PCCA: variants seen among roughly 807,000 people sequenced by gnomAD.
The protein encoded by PCCA is propionyl-CoA carboxylase alpha chain, mitochondrial.
PCCA carries 74 observed loss-of-function variants against 101.3 expected under a neutral mutation model. The observed-to-expected ratio is 0.73, with a 90% CI of 0.61 to 0.89. The LOEUF (loss-of-function observed/expected upper bound fraction) is 0.89. PCCA is among the 40% of genes least tolerant of loss of function. PCCA has a pLI of 0.00. For missense variants in PCCA, 891 were observed against 907.0 expected, an observed-to-expected ratio of 0.98 and a Z score of 0.23; for synonymous variants, 294 against 313.6, an observed-to-expected ratio of 0.94 and a Z score of 0.66.
At chr13:100,145,682 T>C (rs9557395) in intron 4 of PCCA, among the ~76,000 whole-genome samples, 1 of 151,742 alleles carries the variant, frequency 6.6e-6, no homozygotes, top group Non-Finnish European at 1.5e-5. Context: ...GCTAAGATGG[T>C]GAAACCCATC....
intron 6 of PCCA, among the ~76,000 whole-genome samples, chr13:100,188,294 A>AAAAACAAAACAAAACAAAAC (rs60307671): frequency 0.033 from 4,847 of 146,948 alleles, 103 homozygotes; most frequent in Non-Finnish European, 0.044. Context: ...TCTGTCTCAA[A>AAAAACAAAACAAAACAAAAC]AAAACAAAAC....
rs143153776 is a variant in PCCA, at chr13:100,280,446, C to G, written c.1065+7100C>G. 2.0e-5 allele frequency among the ~76,000 whole-genome samples: 3 copies of G among 152,154 alleles called. No homozygotes were observed. In the East Asian group the frequency reaches 5.8e-4, roughly 29 times the overall value. On this transcript the variant is annotated intron_variant, in intron 12 of 23. Transcript: ENST00000376285. ...CTTCTTTGTGCCTTGTATCATGCCACTCCCATTGCTTGGAATGTTCTCTGT... is the reference window on the plus strand; with the variant it reads ...CTTCTTTGTGCCTTGTATCATGCCAGTCCCATTGCTTGGAATGTTCTCTGT...
At chr13:100,424,142 AT>A (rs752651921) in intron 19 of PCCA, among the ~76,000 whole-genome samples, 20 of 152,198 alleles carry the variant, frequency 1.3e-4, no homozygotes, top group Non-Finnish European at 2.6e-4. Context: ...GATAACAACT[AT>A]TTAGATAGCA....
chr13:100,314,147 G>C (rs955501991), intron 16 of PCCA, among the ~76,000 whole-genome samples: 1 of 152,026 alleles, frequency 6.6e-6, no homozygotes, highest in African/African-American at 2.4e-5. Context: ...CAAGAATGAG[G>C]GTTGTAGGTG....
intron 6 of PCCA, among the ~76,000 whole-genome samples, chr13:100,184,065 G>A (rs926990214): frequency 6.6e-6 from 1 of 152,170 alleles, no homozygotes; most frequent in Non-Finnish European, 1.5e-5. Context: ...TACAAGAAGC[G>A]TGGTGTCATC....
At chr13:100,440,218 ATAACT>A (rs1463741608) in intron 20 of PCCA, among the ~76,000 whole-genome samples, 2 of 135,884 alleles carry the variant, frequency 1.5e-5, no homozygotes, top group Non-Finnish European at 3.1e-5. Context: ...ATAAAACGTG[ATAACT>A]TAAAATGCCC....
chr13:100,417,956 C>T (rs1189039064), intron 19 of PCCA, among the ~76,000 whole-genome samples: 1 of 152,032 alleles, frequency 6.6e-6, no homozygotes, highest in Non-Finnish European at 1.5e-5. Context: ...TCTTCACTAC[C>T]TCATCTTCCT....
intron 4 of PCCA, among the ~76,000 whole-genome samples, chr13:100,139,934 G>A (rs376560332): frequency 4.0e-5 from 6 of 150,604 alleles, no homozygotes; most frequent in South Asian, 4.2e-4. Context: ...TCCTGTGGGC[G>A]GTGGGTCTTT....
intron 21 of PCCA, among the ~76,000 whole-genome samples, chr13:100,473,750 C>T (rs1029504233): frequency 1.3e-5 from 2 of 152,222 alleles, no homozygotes; most frequent in African/African-American, 2.4e-5. Flanking sequence ...CAGTTTGCTT[C>T]GCAGCAGTAG....
chr13:100,387,574 T>C (rs1173724513), intron 19 of PCCA, among the ~76,000 whole-genome samples: 1 of 152,178 alleles, frequency 6.6e-6, no homozygotes, highest in Non-Finnish European at 1.5e-5. Context: ...CTAAAGAATA[T>C]CCTTTCAAGG....
intron 12 of PCCA, among the ~76,000 whole-genome samples, chr13:100,289,268 G>A (rs1040338042): frequency 2.0e-5 from 3 of 151,926 alleles, no homozygotes; most frequent in Non-Finnish European, 4.4e-5. Flanking sequence ...TTATTTTAAA[G>A]CCTTCTTTAT....
intron 17 of PCCA, among the ~76,000 whole-genome samples, chr13:100,335,862 C>T (rs2070364819): frequency 6.6e-6 from 1 of 152,186 alleles, no homozygotes; most frequent in Admixed American, 6.5e-5. Context: ...ACAAAACAGT[C>T]CAGCCAGATT....
intron 18 of PCCA, among the ~76,000 whole-genome samples, chr13:100,367,408 T>C (rs931529673): frequency 2.0e-5 from 3 of 152,152 alleles, no homozygotes; most frequent in Non-Finnish European, 2.9e-5. Context: ...CTGTGTTTTA[T>C]TTCTCTGTGG....
rs1011673804 is a variant in PCCA, at chr13:100,513,585, C to T, written c.1900-1842C>T. On this transcript the variant is annotated intron_variant, in intron 21 of 23. Coordinates refer to ENST00000376285, the MANE Select transcript of PCCA (RefSeq NM_000282.4). ...GAAATGAAGCTAAATACAGTCTTAGCGCTTCGTTCATATGCAGGCTGATCT... is the reference window on the plus strand; with the variant it reads ...GAAATGAAGCTAAATACAGTCTTAGTGCTTCGTTCATATGCAGGCTGATCT... 4.6e-5 allele frequency among the ~76,000 whole-genome samples: 7 copies of T among 152,172 alleles called. No homozygotes were observed. In the East Asian group the frequency reaches 7.7e-4, roughly 17 times the overall value.
intron 20 of PCCA, among the ~76,000 whole-genome samples, chr13:100,428,358 C>G (rs895964794): frequency 6.9e-6 from 1 of 145,454 alleles, no homozygotes; most frequent in Non-Finnish European, 1.5e-5. Flanking sequence ...CCCCACCCCC[C>G]CCACACCCTC....
At chr13:100,270,886 A>G (rs60192782) in intron 11 of PCCA, among the ~76,000 whole-genome samples, 3,610 of 152,062 alleles carry the variant, frequency 0.024, 148 homozygotes, top group African/African-American at 0.084. Flanking sequence ...GCATATGCCT[A>G]TAGTTCCAGC....
rs1230144432 is a variant in PCCA, at chr13:100,100,944, C to T, written c.106-1939C>T. On this transcript the variant is annotated intron_variant, in intron 1 of 23. Transcript: ENST00000376285. ...TCAGCCATCCGAGTAGCTGGGATTA[C>T]GGGCATGCACCACCATGCCCAGCTA... 3.9e-5 allele frequency among the ~76,000 whole-genome samples: 6 copies of T among 152,206 alleles called. No individual in the cohort carries two copies. In the South Asian group the frequency reaches 8.3e-4, roughly 21 times the overall value.
chr13:100,223,463 G>A (rs868801773), intron 7 of PCCA, among the ~76,000 whole-genome samples: 2 of 152,058 alleles, frequency 1.3e-5, no homozygotes, highest in Non-Finnish European at 2.9e-5. Context: ...GGAGTTGTTC[G>A]TTCCTCCCGG....
chr13:100,212,479 G>T (rs1308956964), intron 7 of PCCA, among the ~76,000 whole-genome samples: 1 of 152,186 alleles, frequency 6.6e-6, no homozygotes, highest in African/African-American at 2.4e-5. Context: ...CTAGGAAGGT[G>T]GTGGCTAGAA....
Sources: gnomAD v4.1 joint callset for allele counts (sites outside exome capture counted in the v4.1 genomes callset) on GRCh38, gnomAD v4.1.1 for gene constraint, MANE v1.5 for transcripts, NCBI Gene and HGNC (gene_info 2026-07-23, HGNC 2026-07-21) for gene names.